FAM118B: variants seen among roughly 807,000 people sequenced by gnomAD.
The protein encoded by FAM118B is SIR2 antiphage like 1, also known as protein FAM118B.
In FAM118B, 24 loss-of-function variants were observed where a neutral mutation model predicts 38.5. That is an observed-to-expected ratio of 0.62 (90% CI 0.45 to 0.88). The LOEUF is 0.88. FAM118B is among the 40% of genes least tolerant of loss of function. The probability of loss-of-function intolerance (pLI) is 0.00; values close to 1 mark genes in which losing one functional copy is unlikely to be tolerated. For synonymous variants in FAM118B, 138 were observed against 156.3 expected (o/e 0.88, Z 0.87); for missense variants, 334 against 420.0 (o/e 0.80, Z 1.79).
Position 126,211,802 on chromosome 11 carries a change from C to G in FAM118B, c.-105C>G, listed in dbSNP as rs1949881484. On this transcript the variant is annotated 5_prime_UTR_variant, in exon 1 of 9. Transcript: ENST00000533050. ...CGGCTGCGCCGGCCGGTAGCTGCAG[C>G]TGGAGCAGTGGCGTTTGGAGGAGAC... is the stretch of plus-strand genomic sequence containing the variant. 1 of 720,998 alleles carries G rather than the reference C, an allele frequency of 1.4e-6. No homozygotes were observed. Among genetic ancestry groups the G allele is most frequent in the Non-Finnish European group, 2.3e-6 (1 of 443,382 alleles). 44.7% of individuals were successfully genotyped at this position (720,998 alleles called of 1,614,324 possible). A position where few individuals can be genotyped will look rare whatever the true frequency, so the allele number is the denominator to read the frequency against.
At chr11:126,225,673 C>T (rs1480155419) in intron 1 of FAM118B, among the ~76,000 whole-genome samples, 2 of 152,090 alleles carry the variant, frequency 1.3e-5, no homozygotes, top group African/African-American at 4.8e-5. Context: ...TCATTGTTTC[C>T]AGCTTAGTTT....
At chr11:126,248,268 A>G (rs1235575267) in intron 4 of FAM118B, among the ~76,000 whole-genome samples, 2 of 151,418 alleles carry the variant, frequency 1.3e-5, no homozygotes, top group African/African-American at 4.8e-5. Context: ...ATCATAGGGC[A>G]AATGGATTTG....
chr11:126,241,115 G>T, intron 4 of FAM118B, 71 bp downstream of exon 4: 6 of 1,468,768 alleles, frequency 4.1e-6, no homozygotes, highest in Non-Finnish European at 5.5e-6. Context: ...AGCATGATTT[G>T]GCTGTCAAAA....
chr11:126,212,968 G>A (rs909025138), intron 1 of FAM118B, among the ~76,000 whole-genome samples: 22 of 152,126 alleles, frequency 1.4e-4, no homozygotes, highest in African/African-American at 5.1e-4. Flanking sequence ...AGTGGGGAAG[G>A]AAAGGGTTTG....
intron 3 of FAM118B, among the ~76,000 whole-genome samples, chr11:126,237,787 G>A (rs1950299206): frequency 6.9e-6 from 1 of 144,922 alleles, no homozygotes; most frequent in South Asian, 2.2e-4. Flanking sequence ...AACCTGGGAG[G>A]CGGAGGTTGC....
chr11:126,245,772 G>A (rs1376607421), intron 4 of FAM118B, among the ~76,000 whole-genome samples: 1 of 152,042 alleles, frequency 6.6e-6, no homozygotes, highest in Non-Finnish European at 1.5e-5. Flanking sequence ...CAAGGCAGGC[G>A]GATCACCTGA....
chr11:126,256,593 CAAGTCATT>C lies in FAM118B; in HGVS notation c.724_731del (p.Lys242SerfsTer11). On this transcript the variant is annotated frameshift_variant, in exon 7 of 9. Transcript: ENST00000533050. LOFTEE classifies it high-confidence loss of function. The surrounding 1 kb of genome is among the most constrained non-coding windows in gnomAD (Gnocchi z 6.6). ...GAGAAATTCAGAAACTCTACGAAAA[CAAGTCATT>C]TCTTTTCCTGGGCTGTGGCTGGACT... is the stretch of plus-strand genomic sequence containing the variant. 1 of 1,613,856 alleles carries C rather than the reference CAAGTCATT, an allele frequency of 6.2e-7. No homozygotes were observed. The highest frequency in any genetic ancestry group is 8.5e-7 in the Non-Finnish European group (1 of 1,179,944).
chr11:126,229,598 G>A (rs1171069663), intron 2 of FAM118B, among the ~76,000 whole-genome samples: 2 of 151,850 alleles, frequency 1.3e-5, no homozygotes, highest in East Asian at 1.9e-4. Flanking sequence ...GCCCACCACC[G>A]CACCCGGCTA....
rs1018059408 is a variant in FAM118B at position 126,262,918 on chromosome 11, C to T, written c.*785C>T. Reference sequence around the variant, plus strand: ...TAGTTTTGAATCCTGTATAAAAGAACTCCAAGACCTAAAAGGCAATTTATT... The same window carrying T: ...TAGTTTTGAATCCTGTATAAAAGAATTCCAAGACCTAAAAGGCAATTTATT... On this transcript the variant is annotated 3_prime_UTR_variant, in exon 9 of 9. Transcript: ENST00000533050. The T allele has an allele frequency of 1.3e-4, 20 of 152,634 alleles. No homozygotes were observed. The highest frequency in any genetic ancestry group is 9.8e-4 in the Admixed American group (15 of 15,274). The allele number at this position is 152,634 out of a possible 1,614,324, so 9.5% of individuals were successfully genotyped here.
chr11:126,241,279 G>C, intron 4 of FAM118B: 1 of 409,704 alleles, frequency 2.4e-6, no homozygotes, highest in African/African-American at 2.0e-5. Flanking sequence ...ATGATGTTGA[G>C]GACTTTATAT....
intron 1 of FAM118B, among the ~76,000 whole-genome samples, chr11:126,226,496 C>T (rs1395522002): frequency 6.6e-6 from 1 of 151,992 alleles, no homozygotes; most frequent in Admixed American, 6.6e-5. Context: ...AGGAACGTGG[C>T]GCAAGTTCCT....
intron 3 of FAM118B, 32 bp downstream of exon 3, chr11:126,235,119 T>C (rs1950256777): frequency 6.3e-7 from 1 of 1,588,086 alleles, no homozygotes; most frequent in South Asian, 1.1e-5. Flanking sequence ...GCAGAGTAAA[T>C]TACCATTAGT....
chr11:126,213,525 T>TTGA (rs1949921038), intron 1 of FAM118B, among the ~76,000 whole-genome samples: 1 of 152,360 alleles, frequency 6.6e-6, no homozygotes, highest in Admixed American at 6.5e-5. Flanking sequence ...CTAATTTCAC[T>TTGA]TGAACATCAC....
chr11:126,214,528 A>G (rs1189649649), intron 1 of FAM118B: 1 of 29,190 alleles, frequency 3.4e-5, no homozygotes, highest in Non-Finnish European at 6.7e-5. Context: ...TTTTTTTTTT[A>G]CCTCTATATT....
intron 1 of FAM118B, among the ~76,000 whole-genome samples, chr11:126,221,940 C>T (rs1950068197): frequency 6.6e-6 from 1 of 152,036 alleles, no homozygotes; most frequent in Non-Finnish European, 1.5e-5. Context: ...TCCTTGGTAC[C>T]TCATCCAGGC....
At chr11:126,212,556 A>C (rs1031735725) in intron 1 of FAM118B, among the ~76,000 whole-genome samples, 1 of 152,234 alleles carries the variant, frequency 6.6e-6, no homozygotes, top group African/African-American at 2.4e-5. Flanking sequence ...GTTAAAAATA[A>C]CTTGGGATAT....
At chr11:126,251,760 T>G (rs1950507406) in intron 5 of FAM118B, among the ~76,000 whole-genome samples, 1 of 151,640 alleles carries the variant, frequency 6.6e-6, no homozygotes, top group Non-Finnish European at 1.5e-5. Flanking sequence ...AGAGACAGTT[T>G]CGCTCTTGTT....
At chr11:126,231,207 G>A (rs1043427087) in intron 2 of FAM118B, among the ~76,000 whole-genome samples, 11 of 152,306 alleles carry the variant, frequency 7.2e-5, no homozygotes, top group Admixed American at 3.9e-4. Flanking sequence ...TGGCTTAGCA[G>A]TAATTGAGGT....
intron 1 of FAM118B, among the ~76,000 whole-genome samples, chr11:126,228,090 G>A (rs768041965): frequency 3.9e-5 from 6 of 151,954 alleles, no homozygotes; most frequent in African/African-American, 1.5e-4. Flanking sequence ...GAGCCACTGC[G>A]CCCAGCCAAA....
Sources: gnomAD v4.1 joint callset for allele counts (sites outside exome capture counted in the v4.1 genomes callset) on GRCh38, gnomAD v4.1.1 for gene constraint, Gnocchi (gnomAD v3.1) non-coding constraint, MANE v1.5 for transcripts, NCBI Gene and HGNC (gene_info 2026-07-23, HGNC 2026-07-21) for gene names.